EI24: variants seen among roughly 807,000 people sequenced by gnomAD.
The protein encoded by EI24 is EI24 autophagy associated transmembrane protein.
Under a neutral mutation model 48.6 loss-of-function variants are expected in EI24, and 21 were observed. The ratio of observed to expected loss-of-function variants is 0.43; its 90% CI spans 0.31 to 0.62. The LOEUF (loss-of-function observed/expected upper bound fraction) is 0.62. Ranked by LOEUF, EI24 falls within the 20% of genes least tolerant of loss-of-function variation. EI24 has a pLI of 0.10. For synonymous variants in EI24, 114 were observed against 145.5 expected (o/e 0.78, Z 1.56); for missense variants, 280 against 410.5 (o/e 0.68, Z 2.75).
At chr11:125,582,325 C>T (rs115034429) in intron 9 of EI24, 21 bp from the exon 10 acceptor site, 50 of 1,344,302 alleles carry the variant, frequency 3.7e-5, no homozygotes, top group Non-Finnish European at 4.0e-5. Flanking sequence ...CTAATTATTT[C>T]TTTTTTTTTT....
chr11:125,577,421 C>A, intron 4 of EI24, 83 bp from the exon 5 acceptor site: 1 of 1,350,286 alleles, frequency 7.4e-7, no homozygotes, highest in Non-Finnish European at 1.0e-6. Context: ...TCACTCCCAT[C>A]TATAAAATCA....
chr11:125,572,652 T>C, intron 2 of EI24, 83 bp downstream of exon 2: 5 of 1,293,516 alleles, frequency 3.9e-6, no homozygotes, highest in Non-Finnish European at 5.4e-6. Flanking sequence ...TCCTTTAGGG[T>C]TTTTGGAACT....
In EI24 at chr11:125,569,512, C is replaced by T. The variant is rs773464020; in HGVS notation, c.-132C>T. ...CAGCGGCCCCGGCCCTGGAAGCGCC[C>T]CGGCGGAGCTGGCCTGCGGTGGGCT... On this transcript the variant is annotated 5_prime_UTR_variant, in exon 1 of 11. Coordinates refer to ENST00000278903, the MANE Select transcript of EI24 (RefSeq NM_004879.5). 5.2e-6 allele frequency: 2 copies of T among 384,216 alleles called. No individual in the cohort carries two copies. Among genetic ancestry groups the T allele is most frequent in the East Asian group, 3.7e-5 (1 of 26,930 alleles). The allele number at this position is 384,216 out of a possible 1,614,324, so 23.8% of individuals were successfully genotyped here.
At chr11:125,579,839 CTTG>C (rs1254996323) in intron 7 of EI24, among the ~76,000 whole-genome samples, 2 of 151,962 alleles carry the variant, frequency 1.3e-5, no homozygotes, top group Non-Finnish European at 2.9e-5. Context: ...TTTTAAAAAT[CTTG>C]TTGTAGAGAC....
intron 7 of EI24, among the ~76,000 whole-genome samples, chr11:125,579,398 G>C (rs1938894150): frequency 6.6e-6 from 1 of 150,894 alleles, no homozygotes; most frequent in Admixed American, 6.6e-5. Context: ...GGGCGCAGTA[G>C]TTCATGCCTG....
chr11:125,570,635 G>A (rs1938500822), intron 1 of EI24, among the ~76,000 whole-genome samples: 1 of 152,194 alleles, frequency 6.6e-6, no homozygotes, highest in Non-Finnish European at 1.5e-5. Context: ...GAGAAATCCA[G>A]GCCAAGTAAT....
chr11:125,572,357 A>C (rs886708313), intron 1 of EI24, 101 bp from the exon 2 acceptor site: 1 of 641,876 alleles, frequency 1.6e-6, no homozygotes, highest in Non-Finnish European at 2.8e-6. Context: ...CTGCTATCTT[A>C]CTAGAGCTAC....
chr11:125,569,503 G>T lies in EI24; in HGVS notation c.-141G>T. On this transcript the variant is annotated 5_prime_UTR_variant, in exon 1 of 11. Transcript: ENST00000278903. ...GTGCGGGCGCAGCGGCCCCGGCCCT[G>T]GAAGCGCCCCGGCGGAGCTGGCCTG... 1 of 384,544 alleles carries T rather than the reference G, an allele frequency of 2.6e-6. No homozygotes were observed. Among genetic ancestry groups the T allele is most frequent in the East Asian group, 3.7e-5 (1 of 26,928 alleles). 23.8% of individuals were successfully genotyped at this position (384,544 alleles called of 1,614,324 possible).
At chr11:125,581,781 G>A (rs572841244) in intron 9 of EI24, among the ~76,000 whole-genome samples, 60 of 151,204 alleles carry the variant, frequency 4.0e-4, no homozygotes, top group African/African-American at 1.4e-3. Flanking sequence ...TCCTGACATC[G>A]AGTGATCCAC....
intron 3 of EI24, among the ~76,000 whole-genome samples, chr11:125,575,631 T>C (rs1938709491): frequency 6.6e-6 from 1 of 152,288 alleles, no homozygotes; most frequent in East Asian, 1.9e-4. Context: ...CGCAAAATAT[T>C]ATTTGGTTTG....
chr11:125,577,633 C>T, intron 5 of EI24, 63 bp downstream of exon 5: 1 of 1,352,736 alleles, frequency 7.4e-7, no homozygotes, highest in Non-Finnish European at 1.0e-6. Flanking sequence ...TTCAGTCTCC[C>T]TCAGTTTACT....
chr11:125,577,735 G>A (rs1565329618), intron 5 of EI24, 165 bp downstream of exon 5: 4 of 626,158 alleles, frequency 6.4e-6, no homozygotes, highest in Non-Finnish European at 1.1e-5. Context: ...TATTCTCCTA[G>A]AGGCCCTTTA....
chr11:125,571,169 A>C (rs760592746), intron 1 of EI24, among the ~76,000 whole-genome samples: 5 of 152,294 alleles, frequency 3.3e-5, no homozygotes, highest in Admixed American at 6.5e-5. Flanking sequence ...AAGGTCGGGG[A>C]AAGTGTGCTT....
At chr11:125,570,644 A>T (rs948810093) in intron 1 of EI24, among the ~76,000 whole-genome samples, 4 of 152,180 alleles carry the variant, frequency 2.6e-5, no homozygotes, top group Non-Finnish European at 5.9e-5. Context: ...AGGCCAAGTA[A>T]TGGGCTTCCT....
rs1938442375 is a variant in EI24 at position 125,569,485 on chromosome 11, C to G, written c.-159C>G. 2.6e-6 allele frequency: 1 copy of G among 383,268 alleles called. No homozygotes were observed. Among genetic ancestry groups the G allele is most frequent in the South Asian group, 1.3e-4 (1 of 7,652 alleles). The allele number at this position is 383,268 out of a possible 1,614,324, so 23.7% of individuals were successfully genotyped here. On this transcript the variant is annotated 5_prime_UTR_variant, in exon 1 of 11. Coordinates refer to ENST00000278903, the MANE Select transcript of EI24 (RefSeq NM_004879.5). Reference sequence around the variant, plus strand: ...GCGGCCCGGGCATGCCCAGTGCGGGCGCAGCGGCCCCGGCCCTGGAAGCGC... The same window carrying G: ...GCGGCCCGGGCATGCCCAGTGCGGGGGCAGCGGCCCCGGCCCTGGAAGCGC...
chr11:125,569,727 G>T, intron 1 of EI24, 154 bp downstream of exon 1: 1 of 316,556 alleles, frequency 3.2e-6, no homozygotes, highest in East Asian at 4.9e-5. Context: ...GCGGGACGGG[G>T]CCGGGCACAT....
Position 125,584,281 on chromosome 11 carries a change from G to A in EI24, c.*598G>A, listed in dbSNP as rs1439541814. 1 of 137,584 alleles carries A rather than the reference G, an allele frequency of 7.3e-6. No homozygotes were observed. The highest frequency in any genetic ancestry group is 1.5e-5 in the Non-Finnish European group (1 of 65,076). 8.5% of individuals were successfully genotyped at this position (137,584 alleles called of 1,614,324 possible). ...AAAAAAAGCCTGAAGAGATGAGATA[G>A]GAGGAAAGACCTCACAGCCAGATCT... On this transcript the variant is annotated 3_prime_UTR_variant, in exon 11 of 11. Transcript: ENST00000278903.
At chr11:125,570,425 G>A (rs1304784181) in intron 1 of EI24, 2 of 152,236 alleles carry the variant, frequency 1.3e-5, no homozygotes, top group African/African-American at 4.8e-5. Context: ...GTCAGACTGG[G>A]TAATTCACCA....
At chr11:125,569,792 C>T (rs1938464435) in intron 1 of EI24, 2 of 278,030 alleles carry the variant, frequency 7.2e-6, no homozygotes, top group Non-Finnish European at 1.3e-5. Flanking sequence ...CCCTGTGTGA[C>T]CCGGAGCGTG....
Sources: allele counts gnomAD v4.1 joint callset (sites outside exome capture counted in the v4.1 genomes callset), GRCh38; gene constraint gnomAD v4.1.1; transcripts MANE v1.5; gene names NCBI Gene and HGNC (gene_info 2026-07-23, HGNC 2026-07-21).